Variants in KDM4B observed in about 807,000 individuals in gnomAD.
KDM4B encodes the protein lysine demethylase 4B.
In KDM4B, 32 loss-of-function variants were observed where a neutral mutation model predicts 125.2. The observed-to-expected ratio is 0.26, with a 90% CI of 0.19 to 0.34. The LOEUF is 0.34. KDM4B is among the 10% of genes least tolerant of loss of function. KDM4B has a pLI of 1.00. For synonymous variants in KDM4B, 721 were observed against 677.9 expected, an observed-to-expected ratio of 1.06 and a Z score of -0.99; for missense variants, 1,190 against 1,577.7, an observed-to-expected ratio of 0.75 and a Z score of 4.16.
chr19:5,068,232 CT>C (rs1205483918), intron 6 of KDM4B, among the ~76,000 whole-genome samples: 1 of 152,162 alleles, frequency 6.6e-6, no homozygotes, highest in African/African-American at 2.4e-5. Context: ...TGAGACGCCC[CT>C]CTGGGAGGCC....
At chr19:5,012,672 C>T (rs952659446) in intron 1 of KDM4B, among the ~76,000 whole-genome samples, 71 of 152,200 alleles carry the variant, frequency 4.7e-4, no homozygotes, top group Non-Finnish European at 7.3e-4. Flanking sequence ...CTCAGGCTGG[C>T]ACGCGGTGGA....
intron 9 of KDM4B, among the ~76,000 whole-genome samples, chr19:5,090,362 C>CCCCCCATATCTCTCCCCCT (rs2038652323): frequency 7.2e-6 from 1 of 139,000 alleles, no homozygotes; most frequent in African/African-American, 2.8e-5. Flanking sequence ...CTCTCTCTCT[C>CCCCCCATATCTCTCCCCCT]CTCATCTCTC....
intron 5 of KDM4B, 56 bp from the exon 6 acceptor site, chr19:5,047,411 ACCCCAGGGC>A (rs2145704164): frequency 6.9e-7 from 1 of 1,450,652 alleles, no homozygotes; most frequent in African/African-American, 1.4e-5. Context: ...ATTAGCCTGC[ACCCCAGGGC>A]TCGCAGGTTC....
At chr19:5,118,080 G>A (rs1395766671) in intron 10 of KDM4B, among the ~76,000 whole-genome samples, 1 of 152,150 alleles carries the variant, frequency 6.6e-6, no homozygotes, top group Admixed American at 6.5e-5. Flanking sequence ...GCTGCTGCTG[G>A]CCCATGTGAC....
intron 2 of KDM4B, among the ~76,000 whole-genome samples, chr19:5,023,136 G>A (rs976126414): frequency 6.6e-6 from 1 of 152,212 alleles, no homozygotes; most frequent in African/African-American, 2.4e-5. Context: ...GGAGGCAGGA[G>A]GGTGAGAGTC....
At chr19:5,037,741 C>T (rs1318993560) in intron 3 of KDM4B, among the ~76,000 whole-genome samples, 1 of 152,218 alleles carries the variant, frequency 6.6e-6, no homozygotes, top group Non-Finnish European at 1.5e-5. Flanking sequence ...CTACCTCATG[C>T]CAGGAGCACC....
intron 9 of KDM4B, among the ~76,000 whole-genome samples, chr19:5,089,713 A>AC (rs397766525): frequency 1.4e-5 from 2 of 147,274 alleles, no homozygotes; most frequent in African/African-American, 4.9e-5. Context: ...AAAAAAAAAA[A>AC]CCCACATACT....
At chr19:5,147,387 C>A (rs555646239) in intron 21 of KDM4B, among the ~76,000 whole-genome samples, 1 of 152,128 alleles carries the variant, frequency 6.6e-6, no homozygotes, top group African/African-American at 2.4e-5. Flanking sequence ...GTCACCAGAG[C>A]CCAGGCAGGG....
intron 9 of KDM4B, among the ~76,000 whole-genome samples, chr19:5,109,530 A>G (rs1022456940): frequency 6.6e-5 from 10 of 151,974 alleles, no homozygotes; most frequent in Non-Finnish European, 1.3e-4. Context: ...AGGGGACTTC[A>G]ACTCATCCTT....
intron 1 of KDM4B, among the ~76,000 whole-genome samples, chr19:4,978,840 C>G (rs1181847849): frequency 3.3e-5 from 5 of 152,218 alleles, no homozygotes; most frequent in Admixed American, 3.3e-4. Context: ...TAGCCACACC[C>G]TGGGTCCCTC....
chr19:5,071,854 G>A (rs34136382), intron 7 of KDM4B, among the ~76,000 whole-genome samples: 10,133 of 152,316 alleles, frequency 0.067, 436 homozygotes, highest in Middle Eastern at 0.14. Context: ...GGAGAGTCAT[G>A]AAAAGACACA....
intron 17 of KDM4B, 77 bp downstream of exon 17, chr19:5,137,753 C>A: frequency 7.3e-7 from 1 of 1,370,792 alleles, no homozygotes; most frequent in East Asian, 2.4e-5. Flanking sequence ...GGGTGTGACC[C>A]CAGTGCCTAG....
At chr19:5,046,769 C>T (rs979451412) in intron 5 of KDM4B, among the ~76,000 whole-genome samples, 4 of 152,210 alleles carry the variant, frequency 2.6e-5, no homozygotes, top group Non-Finnish European at 4.4e-5. Flanking sequence ...GCCTTGGCTC[C>T]GGTACCATCG....
chr19:5,092,700 G>A (rs1026376145), intron 9 of KDM4B, among the ~76,000 whole-genome samples: 3 of 152,122 alleles, frequency 2.0e-5, no homozygotes, highest in African/African-American at 7.2e-5. Flanking sequence ...GGACCCCCTC[G>A]AGGGGCACTG....
At chr19:5,029,504 A>G (rs1437757455) in intron 2 of KDM4B, among the ~76,000 whole-genome samples, 4 of 152,172 alleles carry the variant, frequency 2.6e-5, no homozygotes, top group East Asian at 1.9e-4. Context: ...TTTTCTCTGT[A>G]TGATTTACTT....
intron 15 of KDM4B, among the ~76,000 whole-genome samples, chr19:5,136,107 C>T (rs1280619381): frequency 6.6e-6 from 1 of 152,248 alleles, no homozygotes; most frequent in African/African-American, 2.4e-5. Flanking sequence ...GGCAGGGTTC[C>T]TCCTCACTGG....
intron 1 of KDM4B, among the ~76,000 whole-genome samples, chr19:5,003,908 T>C (rs2035472009): frequency 6.6e-6 from 1 of 152,156 alleles, no homozygotes; most frequent in Admixed American, 6.5e-5. Context: ...CTTCCTCGTC[T>C]CTCCACAGCA....
chr19:5,001,513 G>A (rs953733606), intron 1 of KDM4B, among the ~76,000 whole-genome samples: 1 of 152,204 alleles, frequency 6.6e-6, no homozygotes, highest in African/African-American at 2.4e-5. Context: ...TTGTTTCCAG[G>A]CTCTTACGGT....
intron 6 of KDM4B, among the ~76,000 whole-genome samples, chr19:5,050,229 AT>A (rs1395721879): frequency 2.0e-5 from 3 of 152,222 alleles, no homozygotes; most frequent in Non-Finnish European, 4.4e-5. Context: ...TGGTAGCTTG[AT>A]TTGTGTGTCA....
Sources: gnomAD v4.1 joint callset for allele counts (sites outside exome capture counted in the v4.1 genomes callset) on GRCh38, gnomAD v4.1.1 for gene constraint, MANE v1.5 for transcripts, NCBI Gene and HGNC (gene_info 2026-07-23, HGNC 2026-07-21) for gene names.